Variants in HSD17B11 observed in about 807,000 individuals in gnomAD.
HSD17B11 encodes the protein estradiol 17-beta-dehydrogenase 11.
A neutral mutation model predicts 27.8 loss-of-function variants in HSD17B11; 22 were observed. The observed-to-expected ratio is 0.79, with a 90% CI of 0.56 to 1.13. The LOEUF (loss-of-function observed/expected upper bound fraction) is 1.13, where lower values mean the gene tolerates loss of function less well. Among genes scored for constraint, HSD17B11 ranks in the 50% most tolerant of loss-of-function variants. The pLI is 0.00. For synonymous variants in HSD17B11, 117 were observed against 132.8 expected (o/e 0.88, Z 0.82); for missense variants, 314 against 351.1 (o/e 0.89, Z 0.84).
chr4:87,357,265 A>G lies in HSD17B11; in HGVS notation c.695+14T>C, dbSNP rs1373049153. The G allele has an allele frequency of 4.4e-6, 7 of 1,608,258 alleles. 1 individual carries two copies. In the South Asian group the frequency reaches 5.6e-5, roughly 13 times the overall value. On this transcript the variant is annotated intron_variant, in intron 5 of 6. Coordinates refer to ENST00000358290, the MANE Select transcript of HSD17B11 (RefSeq NM_016245.5). ...AGCAACCACCAATCCTTTTGTCTCA[A>G]TTTCTCAACTTACCTTGTACTTGGA...
Position 87,337,120 on chromosome 4 carries a change from A to G in HSD17B11, c.*156T>C, listed in dbSNP as rs778124712. ...ATATGTAATCAGCTTTTGGCTAAAG[A>G]ACAAGTGGTAGTAAATGAAGACTGC... On this transcript the variant is annotated 3_prime_UTR_variant, in exon 7 of 7. Coordinates refer to ENST00000358290, the MANE Select transcript of HSD17B11 (RefSeq NM_016245.5). 1 of 656,272 alleles carries G rather than the reference A, an allele frequency of 1.5e-6. No individual in the cohort carries two copies. The highest frequency in any genetic ancestry group is 2.7e-6 in the Non-Finnish European group (1 of 365,784). The allele number at this position is 656,272 out of a possible 1,614,324, so 40.7% of individuals were successfully genotyped here. A position where few individuals can be genotyped will look rare whatever the true frequency, so the allele number is the denominator to read the frequency against.
intron 2 of HSD17B11, among the ~76,000 whole-genome samples, chr4:87,376,216 C>G (rs6840247): frequency 0.36 from 54,387 of 151,962 alleles, 11,029 homozygotes; most frequent in African/African-American, 0.54. Flanking sequence ...ACTTAATATA[C>G]AAATATTGGC....
chr4:87,380,485 A>AAAAG (rs1553960407), intron 2 of HSD17B11, among the ~76,000 whole-genome samples: 86 of 39,580 alleles, frequency 2.2e-3, no homozygotes, highest in African/African-American at 5.5e-3. Context: ...AAAAAAAAAA[A>AAAAG]AAAGAAAAAA....
At chr4:87,381,186 C>CAAAAAA (rs58998729) in intron 2 of HSD17B11, among the ~76,000 whole-genome samples, 8 of 114,334 alleles carry the variant, frequency 7.0e-5, no homozygotes, top group Non-Finnish European at 7.0e-5. Flanking sequence ...GACTCCATTT[C>CAAAAAA]AAAAAAAAAA....
At chr4:87,376,933 C>T (rs1413599103) in intron 2 of HSD17B11, among the ~76,000 whole-genome samples, 1 of 151,478 alleles carries the variant, frequency 6.6e-6, no homozygotes, top group Non-Finnish European at 1.5e-5. Context: ...AGTTCAAGAC[C>T]AGCCTGATTG....
chr4:87,378,964 T>TC (rs1720052772), intron 2 of HSD17B11, among the ~76,000 whole-genome samples: 1 of 64,720 alleles, frequency 1.5e-5, no homozygotes, highest in African/African-American at 8.1e-5. Context: ...ATATATATTT[T>TC]TTTTTTTTTT....
chr4:87,388,578 C>T (rs1720376691), intron 1 of HSD17B11, among the ~76,000 whole-genome samples: 1 of 152,194 alleles, frequency 6.6e-6, no homozygotes, highest in Non-Finnish European at 1.5e-5. Flanking sequence ...ACTGTAAAGT[C>T]AACACTCCCC....
At chr4:87,343,170 A>G (rs1383100069) in intron 5 of HSD17B11, among the ~76,000 whole-genome samples, 1 of 152,200 alleles carries the variant, frequency 6.6e-6, no homozygotes, top group Non-Finnish European at 1.5e-5. Flanking sequence ...AGCCCCTGTC[A>G]GATAACTTCT....
At chr4:87,390,830 C>G (rs1317636449) in intron 1 of HSD17B11, 31 bp downstream of exon 1, 1 of 1,584,848 alleles carries the variant, frequency 6.3e-7, no homozygotes, top group African/African-American at 1.3e-5. Flanking sequence ...ATTAAAGGTA[C>G]CAGAAAGTAA....
intron 2 of HSD17B11, among the ~76,000 whole-genome samples, chr4:87,380,342 G>A (rs557063122): frequency 1.5e-5 from 2 of 136,080 alleles, no homozygotes; most frequent in East Asian, 2.4e-4. Context: ...GCGTGGTGGC[G>A]GGCATCTGTA....
At chr4:87,347,048 T>C (rs1348402732) in intron 5 of HSD17B11, among the ~76,000 whole-genome samples, 1 of 150,736 alleles carries the variant, frequency 6.6e-6, no homozygotes, top group Non-Finnish European at 1.5e-5. Flanking sequence ...GTATTGATTA[T>C]TGGGAGCAAT....
chr4:87,381,410 C>T (rs1720164622), intron 2 of HSD17B11, among the ~76,000 whole-genome samples: 1 of 151,996 alleles, frequency 6.6e-6, no homozygotes, highest in African/African-American at 2.4e-5. Flanking sequence ...CAGAGTGAAA[C>T]CCCATTATAT....
intron 4 of HSD17B11, among the ~76,000 whole-genome samples, chr4:87,366,380 T>C (rs1422625028): frequency 6.6e-6 from 1 of 152,174 alleles, no homozygotes; most frequent in Non-Finnish European, 1.5e-5. Flanking sequence ...TGGGTAAATA[T>C]GTCTCTAAGG....
chr4:87,387,410 C>G (rs1346233042), intron 1 of HSD17B11, among the ~76,000 whole-genome samples: 2 of 152,154 alleles, frequency 1.3e-5, no homozygotes, highest in Non-Finnish European at 2.9e-5. Flanking sequence ...TTTGGCCCCT[C>G]CCTGCCCTGC....
rs1491588184 is a variant in HSD17B11, at chr4:87,370,752, A to ATTT, written c.557+1956_557+1957insAAA. 1.3e-4 allele frequency among the ~76,000 whole-genome samples: 7 copies of ATTT among 53,044 alleles called. 1 individual carries two copies. Among genetic ancestry groups the ATTT allele is most frequent in the Non-Finnish European group, 2.0e-4 (7 of 34,386 alleles). 34.8% of individuals were successfully genotyped at this position (53,044 alleles called of 152,430 possible). Reference sequence around the variant, plus strand: ...TATTATTATTATTATTATTATTATTATTATTTTTTTTTTTTTTTGAGACGG... The same window carrying ATTT: ...TATTATTATTATTATTATTATTATTATTTTTATTTTTTTTTTTTTTTGAGACGG... On this transcript the variant is annotated intron_variant, in intron 4 of 6. Coordinates refer to ENST00000358290, the MANE Select transcript of HSD17B11 (RefSeq NM_016245.5).
intron 1 of HSD17B11, among the ~76,000 whole-genome samples, chr4:87,385,419 G>A (rs76380438): frequency 0.038 from 5,745 of 152,044 alleles, 386 homozygotes; most frequent in African/African-American, 0.13. Flanking sequence ...CAGGACCTGG[G>A]GAGAGAGAGG....
At chr4:87,374,619 T>G (rs899799745) in intron 3 of HSD17B11, 80 bp downstream of exon 3, 1 of 1,367,062 alleles carries the variant, frequency 7.3e-7, no homozygotes, top group Non-Finnish European at 1.0e-6. Context: ...GATTTAATAC[T>G]TCCTTATGTC....
intron 1 of HSD17B11, among the ~76,000 whole-genome samples, chr4:87,389,511 A>G (rs1720403189): frequency 6.6e-6 from 1 of 152,172 alleles, no homozygotes; most frequent in Non-Finnish European, 1.5e-5. Flanking sequence ...AGTGTGAGCC[A>G]CCGCATCCAG....
intron 4 of HSD17B11, among the ~76,000 whole-genome samples, chr4:87,370,816 G>T (rs1326001282): frequency 1.0e-5 from 1 of 99,282 alleles, no homozygotes; most frequent in African/African-American, 5.4e-5. Flanking sequence ...GTAGTGGCGC[G>T]ATCTCGGCTC....
Sources: allele counts gnomAD v4.1 joint callset (sites outside exome capture counted in the v4.1 genomes callset), GRCh38; gene constraint gnomAD v4.1.1; transcripts MANE v1.5; gene names NCBI Gene and HGNC (gene_info 2026-07-23, HGNC 2026-07-21).